Variants in DOCK4 observed in about 807,000 individuals in gnomAD.
The protein encoded by DOCK4 is dedicator of cytokinesis 4.
Under a neutral mutation model 268.1 loss-of-function variants are expected in DOCK4, and 97 were observed. The observed-to-expected ratio is 0.36, with a 90% CI of 0.31 to 0.43. The LOEUF (loss-of-function observed/expected upper bound fraction) is 0.43. Ranked by LOEUF, DOCK4 falls within the 20% of genes least tolerant of loss-of-function variation. DOCK4 has a pLI of 1.00. For missense variants in DOCK4, 2,145 were observed against 2,455.7 expected, an observed-to-expected ratio of 0.87 and a Z score of 2.67; for synonymous variants, 954 against 887.2, an observed-to-expected ratio of 1.08 and a Z score of -1.34.
At chr7:112,190,472 G>A (rs1819852537) in intron 1 of DOCK4, among the ~76,000 whole-genome samples, 2 of 152,118 alleles carry the variant, frequency 1.3e-5, no homozygotes, top group South Asian at 4.1e-4. Flanking sequence ...TGGATGGTCA[G>A]CCCAGGAAGC....
intron 1 of DOCK4, among the ~76,000 whole-genome samples, chr7:112,104,780 G>A (rs1279843120): frequency 6.6e-6 from 1 of 152,154 alleles, no homozygotes; most frequent in East Asian, 1.9e-4. Context: ...ATGCTATAGA[G>A]TGAATGGCTT....
chr7:111,993,660 C>T (rs915280383), intron 5 of DOCK4, among the ~76,000 whole-genome samples: 5 of 152,148 alleles, frequency 3.3e-5, no homozygotes, highest in African/African-American at 7.2e-5. Flanking sequence ...ATATATACTA[C>T]GTATCTGCAA....
chr7:112,030,841 A>G lies in DOCK4; in HGVS notation c.38-26710T>C, dbSNP rs556518853. Among the ~76,000 whole-genome samples the G allele has an allele frequency of 5.3e-5, 8 of 152,320 alleles. No homozygotes were observed. The East Asian group carries it at 1.4e-3, about 26-fold the overall frequency. ...GATTTCTCAGTTCATGAACTTTTTA[A>G]AAGCAAGTTTGAATTTTGGGCGATT... On this transcript the variant is annotated intron_variant, in intron 1 of 52. Transcript: ENST00000428084.
intron 8 of DOCK4, 130 bp downstream of exon 8, chr7:111,977,002 T>A: frequency 2.8e-6 from 3 of 1,074,450 alleles, no homozygotes; most frequent in Non-Finnish European, 2.6e-6. Context: ...AAACTCAGAG[T>A]TCTACTGGTG....
chr7:112,142,137 A>G (rs1401612347), intron 1 of DOCK4, among the ~76,000 whole-genome samples: 2 of 152,184 alleles, frequency 1.3e-5, no homozygotes, highest in African/African-American at 4.8e-5. Context: ...CCTGTGAGGT[A>G]GGTACTATTA....
intron 1 of DOCK4, among the ~76,000 whole-genome samples, chr7:112,131,393 T>C (rs977784786): frequency 6.6e-6 from 1 of 152,134 alleles, no homozygotes; most frequent in African/African-American, 2.4e-5. Context: ...GGTAGATCCT[T>C]CACCCGTATG....
intron 1 of DOCK4, among the ~76,000 whole-genome samples, chr7:112,179,485 A>C (rs1426104220): frequency 6.6e-6 from 1 of 151,430 alleles, no homozygotes; most frequent in Non-Finnish European, 1.5e-5. Context: ...TTGTTACAGG[A>C]GTTTCAGCAA....
chr7:111,986,156 A>G (rs530542314), intron 6 of DOCK4, among the ~76,000 whole-genome samples: 56 of 152,330 alleles, frequency 3.7e-4, no homozygotes, highest in African/African-American at 1.3e-3. Context: ...AGAGGCTGGT[A>G]TAAAATGCTC....
intron 1 of DOCK4, among the ~76,000 whole-genome samples, chr7:112,182,553 GTGTGAACTTTTAATCACAAGCATGTAT>G (rs1489554326): frequency 3.9e-4 from 59 of 152,342 alleles, no homozygotes; most frequent in African/African-American, 1.4e-3. Context: ...TTTCTATACT[GTGTGAACTTTTAATCACAAGCATGTAT>G]TAATTGTGTG....
intron 1 of DOCK4, among the ~76,000 whole-genome samples, chr7:112,123,311 G>C (rs537249907): frequency 3.3e-5 from 5 of 152,146 alleles, no homozygotes; most frequent in African/African-American, 1.2e-4. Context: ...GAGAAAGGGG[G>C]AAGGTCACAT....
At chr7:111,996,987 G>C (rs1027938503) in intron 4 of DOCK4, among the ~76,000 whole-genome samples, 1 of 152,168 alleles carries the variant, frequency 6.6e-6, no homozygotes, top group Non-Finnish European at 1.5e-5. Context: ...TCAGGGTTGG[G>C]CTTGGGACAA....
chr7:112,057,562 A>T (rs939079577), intron 1 of DOCK4, among the ~76,000 whole-genome samples: 2 of 151,872 alleles, frequency 1.3e-5, no homozygotes, highest in African/African-American at 2.4e-5. Context: ...AAAAATAAAA[A>T]AAAAAAAAAT....
At chr7:112,187,617 C>T (rs552861838) in intron 1 of DOCK4, among the ~76,000 whole-genome samples, 9 of 152,178 alleles carry the variant, frequency 5.9e-5, no homozygotes, top group South Asian at 2.1e-4. Context: ...TGTGCTTTTG[C>T]GCTCAGAAGC....
intron 1 of DOCK4, among the ~76,000 whole-genome samples, chr7:112,105,265 A>G (rs906658686): frequency 6.6e-6 from 1 of 152,212 alleles, no homozygotes; most frequent in African/African-American, 2.4e-5. Context: ...GAAAATTGCA[A>G]TAAAGAACAT....
intron 1 of DOCK4, among the ~76,000 whole-genome samples, chr7:112,118,137 T>C (rs1812350824): frequency 6.6e-6 from 1 of 150,670 alleles, no homozygotes; most frequent in Admixed American, 6.6e-5. Context: ...ATTTATAATA[T>C]ATATATATAT....
intron 1 of DOCK4, among the ~76,000 whole-genome samples, chr7:112,189,352 AC>A: frequency 6.6e-6 from 1 of 152,160 alleles, no homozygotes; most frequent in Non-Finnish European, 1.5e-5. Flanking sequence ...TTGGAAAAGC[AC>A]CCCAAACTTG....
At chr7:112,098,627 C>T (rs1423662107) in intron 1 of DOCK4, among the ~76,000 whole-genome samples, 2 of 147,854 alleles carry the variant, frequency 1.4e-5, no homozygotes, top group East Asian at 3.9e-4. Flanking sequence ...CATGTAAATA[C>T]TTATGTAATT....
intron 1 of DOCK4, among the ~76,000 whole-genome samples, chr7:112,182,268 A>G (rs1050304352): frequency 8.5e-5 from 13 of 152,228 alleles, no homozygotes; most frequent in Non-Finnish European, 1.8e-4. Context: ...GTTTTCATAT[A>G]CAATTTTTCA....
chr7:112,049,086 G>A (rs968195992), intron 1 of DOCK4, among the ~76,000 whole-genome samples: 1 of 152,144 alleles, frequency 6.6e-6, no homozygotes, highest in Non-Finnish European at 1.5e-5. Context: ...TGTACACAAA[G>A]CAATAAAGAG....
Sources: allele counts gnomAD v4.1 joint callset (sites outside exome capture counted in the v4.1 genomes callset), GRCh38; gene constraint gnomAD v4.1.1; transcripts MANE v1.5; gene names NCBI Gene and HGNC (gene_info 2026-07-23, HGNC 2026-07-21).